TRMT44: variants seen among roughly 807,000 people sequenced by gnomAD.
TRMT44 encodes tRNA methyltransferase 44 homolog.
TRMT44 carries 78 observed loss-of-function variants against 77.3 expected under a neutral mutation model. That is an observed-to-expected ratio of 1.01 (90% CI 0.84 to 1.22). The LOEUF is 1.22. Among genes scored for constraint, TRMT44 ranks in the 50% most tolerant of loss-of-function variants. TRMT44 has a pLI of 0.00. For missense variants in TRMT44, 1,090 were observed against 964.4 expected (o/e 1.13, Z -1.73); for synonymous variants, 391 against 383.3 (o/e 1.02, Z -0.23).
downstream of TRMT44, chr4:8,476,873 G>A (rs1371659197): frequency 6.6e-6 from 1 of 152,198 alleles, no homozygotes; most frequent in Non-Finnish European, 1.5e-5. Context: ...CCTGTCAAGT[G>A]ACTGGGACTG....
At chr4:8,513,684 A>G in the TRMT44 span, among the ~76,000 whole-genome samples, 1 of 152,262 alleles carries the variant, frequency 6.6e-6, no homozygotes, top group Non-Finnish European at 1.5e-5. Context: ...CTACAATTCA[A>G]TAAGAAAACA....
At chr4:8,488,020 G>C (rs1197541066) in intron 2 of TRMT44, among the ~76,000 whole-genome samples, 1 of 152,170 alleles carries the variant, frequency 6.6e-6, no homozygotes, top group African/African-American at 2.4e-5. Flanking sequence ...TTAAGAGAAG[G>C]GAGAGATTGA....
chr4:8,516,810 C>T, the TRMT44 span, among the ~76,000 whole-genome samples: 1 of 152,170 alleles, frequency 6.6e-6, no homozygotes, highest in African/African-American at 2.4e-5. Flanking sequence ...AAAAACAACA[C>T]CATCACCAGC....
At chr4:8,454,703 C>T in intron 5 of TRMT44, 39 bp from the exon 6 acceptor site, 1 of 1,593,598 alleles carries the variant, frequency 6.3e-7, no homozygotes, top group Non-Finnish European at 8.6e-7. Context: ...TTATGAAGTA[C>T]TAAGGTTAAC....
the TRMT44 span, chr4:8,512,612 C>G: frequency 6.6e-6 from 1 of 152,164 alleles, no homozygotes; most frequent in Admixed American, 6.5e-5. Flanking sequence ...CCTTTTTGTA[C>G]GCCTGAATTT....
At chr4:8,516,251 G>A in the TRMT44 span, among the ~76,000 whole-genome samples, 10 of 152,070 alleles carry the variant, frequency 6.6e-5, no homozygotes, top group African/African-American at 2.2e-4. Flanking sequence ...TCGCCCCCTC[G>A]ACTGCTCTGC....
intron 10 of TRMT44, among the ~76,000 whole-genome samples, chr4:8,473,848 C>T (rs772719793): frequency 5.9e-5 from 9 of 152,192 alleles, no homozygotes; most frequent in South Asian, 2.1e-4. Flanking sequence ...GAGGGGCGGC[C>T]GGGAGCTACC....
intron 6 of TRMT44, among the ~76,000 whole-genome samples, chr4:8,462,442 C>T (rs1726220358): frequency 6.6e-6 from 1 of 151,356 alleles, no homozygotes; most frequent in Non-Finnish European, 1.5e-5. Flanking sequence ...CGTGGTGGCT[C>T]ATGCCTGTAA....
the TRMT44 span, among the ~76,000 whole-genome samples, chr4:8,503,468 C>T: frequency 6.6e-6 from 1 of 152,218 alleles, no homozygotes. Context: ...ATGCACCCAC[C>T]AGCAAGGGAC....
chr4:8,495,247 C>T (rs1728117772), downstream of TRMT44, among the ~76,000 whole-genome samples: 1 of 152,176 alleles, frequency 6.6e-6, no homozygotes, highest in Non-Finnish European at 1.5e-5. Context: ...CATAGGTAAA[C>T]CCCCATGGGG....
intron 2 of TRMT44, among the ~76,000 whole-genome samples, chr4:8,484,412 T>C (rs1727739485): frequency 6.6e-6 from 1 of 152,042 alleles, no homozygotes; most frequent in African/African-American, 2.4e-5. Flanking sequence ...ATTTTGGAAA[T>C]TATGAGAGCT....
In TRMT44 at chr4:8,444,634, G is replaced by A. The variant is rs71603935; in HGVS notation, c.620-1842G>A. On this transcript the variant is annotated intron_variant, in intron 1 of 10. Coordinates refer to ENST00000389737, the MANE Select transcript of TRMT44 (RefSeq NM_152544.3). The surrounding 1 kb of genome is among the most constrained non-coding windows in gnomAD (Gnocchi z 4.0). ...ACTGGTCTCCTACTCCTGACCTCAC[G>A]TGATCCGCCTGCCTTGGCCTCCCAA... 0.018 allele frequency among the ~76,000 whole-genome samples: 2,676 copies of A among 152,326 alleles called. 42 individuals carry two copies. Among genetic ancestry groups the A allele is most frequent in the South Asian group, 0.052 (252 of 4,830 alleles).
Position 8,475,817 on chromosome 4 carries a change from T to C in TRMT44, c.2090T>C (p.Leu697Pro), listed in dbSNP as rs1242277599. Residue 697 changes from leucine to proline, a missense_variant, in exon 11 of 11, where the codon CTG becomes CCG. Physicochemically the swap from Leu to Pro is moderately conservative, Grantham distance 98 (BLOSUM62 -3). Transcript: ENST00000389737. The part of the protein sequence containing the change: ...VHIRDWREET[L>P]WKTKQPEAKQ... ...ATCCGCGACTGGCGAGAGGAGACAC[T>C]GTGGAAGACAAAGCAACCGGAAGCG... 5 of 1,614,150 alleles carry C rather than the reference T, an allele frequency of 3.1e-6. No individual in the cohort carries two copies. The highest frequency in any genetic ancestry group is 1.1e-5 in the South Asian group (1 of 91,084).
At chr4:8,455,384 A>G (rs935728282) in intron 6 of TRMT44, among the ~76,000 whole-genome samples, 1 of 152,244 alleles carries the variant, frequency 6.6e-6, no homozygotes, top group Non-Finnish European at 1.5e-5. Context: ...CCAGGTGCCC[A>G]GCACGGAAGC....
intron 5 of TRMT44, chr4:8,453,593 A>T (rs1725598800): frequency 6.6e-6 from 1 of 152,348 alleles, no homozygotes; most frequent in East Asian, 1.9e-4. Context: ...TATTTTCTGG[A>T]TGTTCAGCTG....
chr4:8,513,265 A>G, the TRMT44 span, among the ~76,000 whole-genome samples: 1 of 152,228 alleles, frequency 6.6e-6, no homozygotes, highest in East Asian at 1.9e-4. Flanking sequence ...AGAGCAAGTC[A>G]CATCTTACAT....
intron 10 of TRMT44, among the ~76,000 whole-genome samples, chr4:8,474,356 T>TA (rs1420073451): frequency 1.3e-5 from 2 of 152,098 alleles, no homozygotes; most frequent in Non-Finnish European, 2.9e-5. Context: ...GGGACTGCCT[T>TA]AACAGGAGAC....
chr4:8,487,431 A>C (rs1326927356), intron 2 of TRMT44, among the ~76,000 whole-genome samples: 7 of 151,956 alleles, frequency 4.6e-5, no homozygotes, highest in Non-Finnish European at 1.5e-5. Flanking sequence ...TCGTGGAAAT[A>C]AGGGGTTGAG....
In TRMT44 at chr4:8,454,826, T is replaced by G. The variant is rs772836004; in HGVS notation, c.1203+13T>G. On this transcript the variant is annotated intron_variant, in intron 6 of 10. Transcript: ENST00000389737. Reference sequence around the variant, plus strand: ...AACTCAGTTAGAGGTACCGTCTTTATTACGCATGCCCTTGATCTCAGCATG... The same window carrying G: ...AACTCAGTTAGAGGTACCGTCTTTAGTACGCATGCCCTTGATCTCAGCATG... 3 of 1,613,822 alleles carry G rather than the reference T, an allele frequency of 1.9e-6. No homozygotes were observed. The East Asian group carries it at 6.7e-5, about 36-fold the overall frequency.
Sources: gnomAD v4.1 joint callset for allele counts (sites outside exome capture counted in the v4.1 genomes callset) on GRCh38, gnomAD v4.1.1 for gene constraint, Gnocchi (gnomAD v3.1) non-coding constraint, MANE v1.5 for transcripts, NCBI Gene and HGNC (gene_info 2026-07-23, HGNC 2026-07-21) for gene names.